LRRTM3: variants seen among roughly 807,000 people sequenced by gnomAD.
LRRTM3 encodes the protein leucine-rich repeat transmembrane neuronal protein 3.
A neutral mutation model predicts 44.7 loss-of-function variants in LRRTM3; 24 were observed. That is an observed-to-expected ratio of 0.54 (90% CI 0.39 to 0.76). The LOEUF (loss-of-function observed/expected upper bound fraction) is 0.76, where lower values mean the gene tolerates loss of function less well. Among genes scored for constraint, LRRTM3 ranks in the 30% least tolerant of loss-of-function variants. The probability of loss-of-function intolerance (pLI) is 0.00; values close to 1 mark genes in which losing one functional copy is unlikely to be tolerated. For synonymous variants in LRRTM3, 277 were observed against 278.7 expected, an observed-to-expected ratio of 0.99 and a Z score of 0.06; for missense variants, 587 against 702.2, an observed-to-expected ratio of 0.84 and a Z score of 1.85.
chr10:66,948,298 A>C (rs1426867718), intron 2 of LRRTM3, among the ~76,000 whole-genome samples: 1 of 152,230 alleles, frequency 6.6e-6, no homozygotes, highest in African/African-American at 2.4e-5. Flanking sequence ...AGAAAGTTTT[A>C]ATAAAGCTTT....
intron 2 of LRRTM3, among the ~76,000 whole-genome samples, chr10:66,986,435 T>C (rs1850732443): frequency 6.6e-6 from 1 of 152,108 alleles, no homozygotes; most frequent in African/African-American, 2.4e-5. Context: ...AGGCAGAGGT[T>C]GCAATAAGCC....
chr10:67,044,625 T>A (rs1306480899), intron 2 of LRRTM3, among the ~76,000 whole-genome samples: 1 of 152,212 alleles, frequency 6.6e-6, no homozygotes, highest in Non-Finnish European at 1.5e-5. Flanking sequence ...TTGACACAGC[T>A]CATGTTATAT....
intron 2 of LRRTM3, among the ~76,000 whole-genome samples, chr10:67,090,790 G>A (rs1857586227): frequency 6.6e-6 from 1 of 152,030 alleles, no homozygotes; most frequent in Non-Finnish European, 1.5e-5. Flanking sequence ...AGGTGGCTAG[G>A]CAGAGTAACA....
chr10:66,955,321 A>G (rs1222395248), intron 2 of LRRTM3, among the ~76,000 whole-genome samples: 1 of 152,168 alleles, frequency 6.6e-6, no homozygotes, highest in Non-Finnish European at 1.5e-5. Flanking sequence ...TCTGAATAAT[A>G]TCTATCAATT....
rs1847181632 is a variant in LRRTM3, at chr10:66,928,180, G to T, written c.1264G>T (p.Ala422Ser). Residue 422 changes from alanine (A) to serine (S), a missense_variant, in exon 2 of 3, where the codon GCG becomes TCG. Physicochemically the swap from Ala to Ser is moderately conservative, Grantham distance 99 (BLOSUM62 1). Transcript: ENST00000361320. ...AEHISFHKIIAGSVALFLSVL... is the reference protein window; with the variant it reads ...AEHISFHKIISGSVALFLSVL... ...GCACATCTCTTTCCATAAAATCATC[G>T]CGGGCAGCGTGGCGCTTTTCCTGTC... 1 of 1,614,066 alleles carries T rather than the reference G, an allele frequency of 6.2e-7. No homozygotes were observed. The highest frequency in any genetic ancestry group is 8.5e-7 in the Non-Finnish European group (1 of 1,180,038).
At chr10:67,077,656 T>C (rs536851436) in intron 2 of LRRTM3, among the ~76,000 whole-genome samples, 3 of 152,338 alleles carry the variant, frequency 2.0e-5, no homozygotes, top group East Asian at 3.9e-4. Flanking sequence ...ATTTTTCCTC[T>C]GTAACCAACA....
Position 67,005,687 on chromosome 10 carries a change from T to TTTTTTTTTTTTTTTTG in LRRTM3, c.1536+77250_1536+77251insGTTTTTTTTTTTTTTT, listed in dbSNP as rs1554895952. ...TTTTGTTTATTTTACTCCATCTTTT[T>TTTTTTTTTTTTTTTTG]TTTTTTTTTTTTTTTTGAGACGGAG... is the stretch of plus-strand genomic sequence containing the variant. On this transcript the variant is annotated intron_variant, in intron 2 of 2. Coordinates refer to ENST00000361320, the MANE Select transcript of LRRTM3 (RefSeq NM_178011.5). Among the ~76,000 whole-genome samples, 375 of 102,296 alleles carry TTTTTTTTTTTTTTTTG rather than the reference T, an allele frequency of 3.7e-3. 36 individuals are homozygous for TTTTTTTTTTTTTTTTG. Among genetic ancestry groups the TTTTTTTTTTTTTTTTG allele is most frequent in the African/African-American group, 0.011 (353 of 32,424 alleles). The allele number at this position is 102,296 out of a possible 152,430, so 67.1% of individuals were successfully genotyped here. A position where few individuals can be genotyped will look rare whatever the true frequency, so the allele number is the denominator to read the frequency against.
At chr10:66,996,185 A>G (rs1851325411) in intron 2 of LRRTM3, among the ~76,000 whole-genome samples, 1 of 152,188 alleles carries the variant, frequency 6.6e-6, no homozygotes, top group South Asian at 2.1e-4. Flanking sequence ...ATGAAGTTTA[A>G]TGGTTTCAAG....
At chr10:67,001,970 G>C (rs1042586625) in intron 2 of LRRTM3, among the ~76,000 whole-genome samples, 2 of 152,208 alleles carry the variant, frequency 1.3e-5, no homozygotes, top group Non-Finnish European at 2.9e-5. Context: ...TGAGGAAGCA[G>C]AGAGTGCAGA....
intron 2 of LRRTM3, among the ~76,000 whole-genome samples, chr10:67,054,010 A>C (rs908068849): frequency 1.3e-5 from 2 of 152,168 alleles, no homozygotes; most frequent in Admixed American, 1.3e-4. Flanking sequence ...CGATATCTCT[A>C]AAAGAGCCCA....
intron 2 of LRRTM3, among the ~76,000 whole-genome samples, chr10:67,049,247 T>C (rs1854942323): frequency 6.6e-6 from 1 of 152,134 alleles, no homozygotes; most frequent in Admixed American, 6.5e-5. Context: ...ATTGATCATG[T>C]AGACCGTGCC....
At chr10:67,051,982 T>C (rs964144005) in intron 2 of LRRTM3, among the ~76,000 whole-genome samples, 4 of 151,774 alleles carry the variant, frequency 2.6e-5, no homozygotes, top group Admixed American at 6.6e-5. Flanking sequence ...CTCAAACTCC[T>C]GACCTCAGGT....
chr10:67,078,518 TATTA>T (rs1234258713), intron 2 of LRRTM3, among the ~76,000 whole-genome samples: 1 of 149,486 alleles, frequency 6.7e-6, no homozygotes, highest in African/African-American at 2.5e-5. Context: ...ATACCTTTTT[TATTA>T]TTATTATTAT....
At chr10:67,020,875 G>T (rs1852965690) in intron 2 of LRRTM3, among the ~76,000 whole-genome samples, 1 of 152,132 alleles carries the variant, frequency 6.6e-6, no homozygotes, top group Admixed American at 6.6e-5. Flanking sequence ...ATGCATGGAA[G>T]AGGAAAATAA....
intron 2 of LRRTM3, among the ~76,000 whole-genome samples, chr10:66,946,722 C>T (rs922252910): frequency 1.3e-5 from 2 of 152,082 alleles, no homozygotes; most frequent in African/African-American, 4.8e-5. Context: ...AGTTGTAGAA[C>T]TACATATTTC....
intron 2 of LRRTM3, among the ~76,000 whole-genome samples, chr10:66,944,101 T>C (rs931694550): frequency 1.3e-5 from 2 of 152,220 alleles, no homozygotes; most frequent in African/African-American, 4.8e-5. Flanking sequence ...GATTTCTCTA[T>C]AGCATATGGT....
At position 66,967,026 on chromosome 10, in the gene LRRTM3, G is replaced by C. The variant is rs1253709132; in HGVS notation, c.1536+38574G>C. On this transcript the variant is annotated intron_variant, in intron 2 of 2. Coordinates refer to ENST00000361320, the MANE Select transcript of LRRTM3 (RefSeq NM_178011.5). Reference sequence around the variant, plus strand: ...AATTTTCTTAAAATATAAGTTCATAGCGCAAAAAGAAATATTAAGTATAAC... The same window carrying C: ...AATTTTCTTAAAATATAAGTTCATACCGCAAAAAGAAATATTAAGTATAAC... 5.5e-4 allele frequency among the ~76,000 whole-genome samples: 83 copies of C among 151,902 alleles called. 1 individual carries two copies. Among genetic ancestry groups the C allele is most frequent in the Admixed American group, 5.4e-3 (83 of 15,250 alleles).
In LRRTM3 at chr10:67,099,804, T is replaced by A. The variant is rs1858234809; in HGVS notation, c.*2008T>A. 6.6e-6 allele frequency: 1 copy of A among 151,984 alleles called. No individual in the cohort carries two copies. The highest frequency in any genetic ancestry group is 6.6e-5 in the Admixed American group (1 of 15,184). 9.4% of individuals were successfully genotyped at this position (151,984 alleles called of 1,614,324 possible). ...AATTTTTGTCATTTTAAATCTAATT[T>A]TAATCTTTATGTTTTCCATTTTCTA... On this transcript the variant is annotated 3_prime_UTR_variant, in exon 3 of 3. Transcript: ENST00000361320.
In LRRTM3 at chr10:67,101,237, C is replaced by A. The variant is rs1858319963; in HGVS notation, c.*3441C>A. Among the ~76,000 whole-genome samples, 1 of 151,662 alleles carries A rather than the reference C, an allele frequency of 6.6e-6. No individual in the cohort carries two copies. The highest frequency in any genetic ancestry group is 2.4e-5 in the African/African-American group (1 of 41,384). ...AAGGAAAGAAACCCCAAGGAAAAAA[C>A]CAAAGACCTTCTAAATTGAGACTGC... On this transcript the variant is annotated 3_prime_UTR_variant, in exon 3 of 3. Coordinates refer to ENST00000361320, the MANE Select transcript of LRRTM3 (RefSeq NM_178011.5).
Sources: gnomAD v4.1 joint callset for allele counts (sites outside exome capture counted in the v4.1 genomes callset) on GRCh38, gnomAD v4.1.1 for gene constraint, MANE v1.5 for transcripts, NCBI Gene and HGNC (gene_info 2026-07-23, HGNC 2026-07-21) for gene names.